DSCAML1: variants seen among roughly 807,000 people sequenced by gnomAD.
DSCAML1 encodes the protein cell adhesion molecule DSCAML1.
In DSCAML1, 38 loss-of-function variants were observed where a neutral mutation model predicts 200.5. The observed-to-expected ratio is 0.19, with a 90% CI of 0.15 to 0.25. The LOEUF (loss-of-function observed/expected upper bound fraction) is 0.25, where lower values mean the gene tolerates loss of function less well. Among genes scored for constraint, DSCAML1 ranks in the 10% least tolerant of loss-of-function variants. The pLI is 1.00. For synonymous variants in DSCAML1, 1,215 were observed against 1,165.0 expected (o/e 1.04, Z -0.87); for missense variants, 2,223 against 2,858.8 (o/e 0.78, Z 5.07).
chr11:117,570,209 TG>T (rs1195628484), intron 3 of DSCAML1, among the ~76,000 whole-genome samples: 1 of 151,984 alleles, frequency 6.6e-6, no homozygotes, highest in Non-Finnish European at 1.5e-5. Context: ...CTGGAGATGA[TG>T]GGGTAGTTTT....
At position 117,437,071 on chromosome 11, in the gene DSCAML1, G is replaced by C. The variant is rs758932194; in HGVS notation, c.4720+51C>G. On this transcript the variant is annotated intron_variant, in intron 26 of 32. Transcript: ENST00000651296. The surrounding 1 kb of genome is among the most constrained non-coding windows in gnomAD (Gnocchi z 5.3). ...ATCTGCCACTCTGCCCACTTCCTTC[G>C]CACCACCCTGCTCCAGCCTCTGTAC... The C allele has an allele frequency of 6.4e-7, 1 of 1,565,342 alleles. No homozygotes were observed. Among genetic ancestry groups the C allele is most frequent in the East Asian group, 2.3e-5 (1 of 44,228 alleles).
At chr11:117,534,904 A>C (rs1422259984) in intron 3 of DSCAML1, among the ~76,000 whole-genome samples, 1 of 152,188 alleles carries the variant, frequency 6.6e-6, no homozygotes, top group Non-Finnish European at 1.5e-5. Context: ...TTTATTTTTT[A>C]ATAGTTATTT....
At chr11:117,808,180 A>C (rs1291528799) in intron 1 of DSCAML1, among the ~76,000 whole-genome samples, 1 of 152,224 alleles carries the variant, frequency 6.6e-6, no homozygotes, top group East Asian at 1.9e-4. Flanking sequence ...CAATATCCGC[A>C]TGTTACAGAT....
chr11:117,575,063 C>T (rs954675944), intron 3 of DSCAML1, among the ~76,000 whole-genome samples: 7 of 152,094 alleles, frequency 4.6e-5, no homozygotes, highest in Non-Finnish European at 8.8e-5. Context: ...TGGTCATAGG[C>T]GCCTGTAATC....
At chr11:117,439,089 C>T (rs1052106814) in intron 23 of DSCAML1, 106 bp from the exon 24 acceptor site, 8 of 1,290,380 alleles carry the variant, frequency 6.2e-6, no homozygotes, top group Non-Finnish European at 8.5e-6. Context: ...CACCCTCACT[C>T]CCACTCCCAC....
chr11:117,670,051 A>T lies in DSCAML1; in HGVS notation c.511+106740T>A, dbSNP rs147568666. Among the ~76,000 whole-genome samples, 13 of 152,346 alleles carry T rather than the reference A, an allele frequency of 8.5e-5. 1 individual carries two copies. Among genetic ancestry groups the T allele is most frequent in the African/African-American group, 2.4e-4 (10 of 41,578 alleles). On this transcript the variant is annotated intron_variant, in intron 3 of 32. Coordinates refer to ENST00000651296, the MANE Select transcript of DSCAML1 (RefSeq NM_020693.4). ...TTTTCAGCGACCTTTGTCTGCCTTT[A>T]AGTAAGGAAAGGAAAGAGGTTAAGC...
At chr11:117,453,726 A>ATTTC (rs142638370) in intron 19 of DSCAML1, among the ~76,000 whole-genome samples, 4,468 of 136,068 alleles carry the variant, frequency 0.033, 164 homozygotes, top group African/African-American at 0.079. Flanking sequence ...TTAGGTGTGG[A>ATTTC]TTTCTTTCTT....
At chr11:117,669,648 T>A (rs2137666561) in intron 3 of DSCAML1, among the ~76,000 whole-genome samples, 1 of 151,936 alleles carries the variant, frequency 6.6e-6, no homozygotes, top group Non-Finnish European at 1.5e-5. Context: ...AGGAAGAAAG[T>A]GAGATGGACA....
At chr11:117,784,239 C>T (rs2055311138) in intron 1 of DSCAML1, among the ~76,000 whole-genome samples, 1 of 152,190 alleles carries the variant, frequency 6.6e-6, no homozygotes, top group Non-Finnish European at 1.5e-5. Flanking sequence ...GCATTGCCAT[C>T]ATGAAACATC....
intron 3 of DSCAML1, among the ~76,000 whole-genome samples, chr11:117,672,102 G>GGAAAAACAAAGAAAAA (rs1555196987): frequency 1.1e-5 from 1 of 94,508 alleles, no homozygotes; most frequent in Non-Finnish European, 2.0e-5. Flanking sequence ...CTCCAGCTCA[G>GGAAAAACAAAGAAAAA]AAAAAAAAAA....
At chr11:117,574,116 G>A (rs752713130) in intron 3 of DSCAML1, among the ~76,000 whole-genome samples, 5 of 152,320 alleles carry the variant, frequency 3.3e-5, no homozygotes, top group Non-Finnish European at 5.9e-5. Context: ...TCGACTCCTG[G>A]GCCACTCTGG....
chr11:117,787,613 A>G (rs2134064861), intron 1 of DSCAML1, among the ~76,000 whole-genome samples: 1 of 152,312 alleles, frequency 6.6e-6, no homozygotes, highest in South Asian at 2.1e-4. Context: ...TAGATTTGCC[A>G]TCCTGGACTT....
At chr11:117,575,976 G>T (rs1312011281) in intron 3 of DSCAML1, among the ~76,000 whole-genome samples, 1 of 152,228 alleles carries the variant, frequency 6.6e-6, no homozygotes, top group East Asian at 1.9e-4. Flanking sequence ...AGGATGCAGA[G>T]GGTCCTGGAT....
intron 11 of DSCAML1, among the ~76,000 whole-genome samples, chr11:117,502,411 G>A (rs995315810): frequency 3.3e-5 from 5 of 152,232 alleles, no homozygotes; most frequent in Admixed American, 6.5e-5. Flanking sequence ...CCCGCCTCGC[G>A]CAGCCAGAAT....
At chr11:117,457,555 G>A (rs970857941) in intron 19 of DSCAML1, among the ~76,000 whole-genome samples, 4 of 152,196 alleles carry the variant, frequency 2.6e-5, no homozygotes, top group Admixed American at 2.6e-4. Flanking sequence ...TGTCCCAGGA[G>A]GCCTTGATGG....
At chr11:117,496,953 C>T (rs2049300031) in intron 11 of DSCAML1, among the ~76,000 whole-genome samples, 1 of 152,220 alleles carries the variant, frequency 6.6e-6, no homozygotes, top group Non-Finnish European at 1.5e-5. Context: ...GTGATTGCTC[C>T]AGTGATACTG....
At chr11:117,650,180 T>C (rs761239151) in intron 3 of DSCAML1, among the ~76,000 whole-genome samples, 5 of 152,162 alleles carry the variant, frequency 3.3e-5, no homozygotes, top group Non-Finnish European at 5.9e-5. Flanking sequence ...GCCTTCTCAG[T>C]CTGGATCTCC....
chr11:117,700,365 C>G (rs1298222738), intron 3 of DSCAML1, among the ~76,000 whole-genome samples: 1 of 152,168 alleles, frequency 6.6e-6, no homozygotes, highest in African/African-American at 2.4e-5. Context: ...GGTCAGACCA[C>G]ACCACATCAC....
intron 1 of DSCAML1, among the ~76,000 whole-genome samples, chr11:117,796,236 T>C (rs2055572153): frequency 6.6e-6 from 1 of 152,134 alleles, no homozygotes; most frequent in Non-Finnish European, 1.5e-5. Context: ...GACCCACCCC[T>C]AGCAACCCCC....
Sources: gnomAD v4.1 joint callset for allele counts (sites outside exome capture counted in the v4.1 genomes callset) on GRCh38, gnomAD v4.1.1 for gene constraint, Gnocchi (gnomAD v3.1) non-coding constraint, MANE v1.5 for transcripts, NCBI Gene and HGNC (gene_info 2026-07-23, HGNC 2026-07-21) for gene names.